Variants in ABI3BP observed in about 807,000 individuals in gnomAD.
ABI3BP encodes the protein target of Nesh-SH3.
In ABI3BP, 216 loss-of-function variants were observed where a neutral mutation model predicts 268.6. The ratio of observed to expected loss-of-function variants is 0.80; its 90% confidence interval spans 0.72 to 0.90. The LOEUF (loss-of-function observed/expected upper bound fraction) is 0.90, where lower values mean the gene tolerates loss of function less well. Among genes scored for constraint, ABI3BP ranks in the 40% least tolerant of loss-of-function variants. The probability of loss-of-function intolerance (pLI) is 0.00; values close to 1 mark genes in which losing one functional copy is unlikely to be tolerated. For synonymous variants in ABI3BP, 730 were observed against 730.0 expected, an observed-to-expected ratio of 1.00 and a Z score of 0.00; for missense variants, 2,090 against 2,182.4, an observed-to-expected ratio of 0.96 and a Z score of 0.84.
rs531282863 is a variant in ABI3BP, at chr3:100,754,909, T to C, written c.4851-218A>G. 3.3e-5 allele frequency among the ~76,000 whole-genome samples: 5 copies of C among 152,272 alleles called. No homozygotes were observed. The South Asian group carries it at 1.0e-3, about 32-fold the overall frequency. On this transcript the variant is annotated intron_variant, in intron 63 of 67. Transcript: ENST00000471714. ...AATGTTTGAGTAAGCATTAAGTTAA[T>C]AAAAAAGATGGTTGTCTTTAAAAAT... is the stretch of plus-strand genomic sequence containing the variant.
At chr3:100,846,301 C>A in intron 20 of ABI3BP, 71 bp downstream of exon 20, 1 of 1,029,452 alleles carries the variant, frequency 9.7e-7, no homozygotes, top group Non-Finnish European at 1.4e-6. Flanking sequence ...GAAATTCTTG[C>A]TCCAAATAAT....
rs1419860992 is a variant in ABI3BP at position 100,792,661 on chromosome 3, T to G, written c.4024+30A>C. On this transcript the variant is annotated intron_variant, in intron 55 of 67. Transcript: ENST00000471714. ...CTGATTAAAAGCAAATAAGGAAAAGTTATTCTCCAGAGGTAGGGGAGAGGA... is the reference window on the plus strand; with the variant it reads ...CTGATTAAAAGCAAATAAGGAAAAGGTATTCTCCAGAGGTAGGGGAGAGGA... 3 of 1,596,196 alleles carry G rather than the reference T, an allele frequency of 1.9e-6. No individual in the cohort carries two copies. The Admixed American group carries it at 5.0e-5, about 27-fold the overall frequency.
intron 61 of ABI3BP, among the ~76,000 whole-genome samples, chr3:100,774,024 T>C (rs1433719186): frequency 1.3e-5 from 2 of 152,180 alleles, no homozygotes; most frequent in East Asian, 1.9e-4. Context: ...ATTGTGATGA[T>C]GGTCTCATGG....
intron 1 of ABI3BP, among the ~76,000 whole-genome samples, chr3:100,992,856 C>T (rs889000793): frequency 2.0e-5 from 3 of 152,202 alleles, no homozygotes; most frequent in Non-Finnish European, 4.4e-5. Flanking sequence ...CCTCAGCTTC[C>T]TGGTCAACAG....
intron 20 of ABI3BP, among the ~76,000 whole-genome samples, chr3:100,843,045 G>A (rs981079751): frequency 3.9e-5 from 6 of 152,054 alleles, no homozygotes; most frequent in African/African-American, 7.2e-5. Context: ...TTGAGAATAC[G>A]TAGCGACTAA....
chr3:100,813,733 G>C lies in ABI3BP; in HGVS notation c.3292C>G (p.Leu1098Val). Residue 1098 changes from leucine (L) to valine (V), a missense_variant and splice_region_variant, in exon 45 of 68, where the codon CTG (leucine) becomes GTG (valine). Physicochemically the swap from Leu to Val is conservative, Grantham distance 32. Coordinates refer to ENST00000471714, the MANE Select transcript of ABI3BP (RefSeq NM_001375547.2). ...STDAPGTTFALTELQTLILKP... is the reference protein window; with the variant it reads ...STDAPGTTFAVTELQTLILKP... ...AAAATAAGAGTTTGCAGTTCAGTCA[G>C]AGCTGAAAGAAGAGGGTCTCAATTG... 1 of 1,534,988 alleles carries C rather than the reference G, an allele frequency of 6.5e-7. No homozygotes were observed. Among genetic ancestry groups the C allele is most frequent in the Non-Finnish European group, 8.7e-7 (1 of 1,146,090 alleles).
intron 51 of ABI3BP, among the ~76,000 whole-genome samples, chr3:100,796,709 C>T (rs1205515162): frequency 6.6e-6 from 1 of 152,014 alleles, no homozygotes; most frequent in Middle Eastern, 3.2e-3. Context: ...TGAAGTCTTC[C>T]TTGAGGAAGA....
At chr3:100,844,469 G>A in intron 20 of ABI3BP, 1 of 985,230 alleles carries the variant, frequency 1.0e-6, no homozygotes, top group South Asian at 4.7e-5. Context: ...AAAGCCAAAG[G>A]AAAAGGAGCC....
chr3:100,860,086 A>G (rs2098981848), intron 14 of ABI3BP, among the ~76,000 whole-genome samples: 1 of 152,164 alleles, frequency 6.6e-6, no homozygotes, highest in Non-Finnish European at 1.5e-5. Context: ...AAACAAAAAC[A>G]AAAACAAAAA....
intron 1 of ABI3BP, among the ~76,000 whole-genome samples, chr3:100,958,345 C>G (rs180893897): frequency 2.2e-4 from 33 of 152,282 alleles, no homozygotes; most frequent in African/African-American, 7.0e-4. Context: ...ACAAGTATTT[C>G]CTTTGCTGCC....
At chr3:100,993,250 T>TA in intron 1 of ABI3BP, 56 bp downstream of exon 1, 2 of 1,250,404 alleles carry the variant, frequency 1.6e-6, no homozygotes, top group Non-Finnish European at 1.1e-6. Flanking sequence ...AATCAACATT[T>TA]AAAAACATCT....
chr3:100,925,325 A>G (rs2061489953), intron 2 of ABI3BP, among the ~76,000 whole-genome samples: 1 of 152,184 alleles, frequency 6.6e-6, no homozygotes, highest in African/African-American at 2.4e-5. Flanking sequence ...CAATAATCCT[A>G]GCAGTGGAAC....
intron 57 of ABI3BP, among the ~76,000 whole-genome samples, chr3:100,785,703 T>C (rs1391054781): frequency 2.0e-5 from 3 of 152,206 alleles, no homozygotes; most frequent in Admixed American, 2.0e-4. Flanking sequence ...CAGTGTTAGT[T>C]GCAGCTTTTT....
chr3:100,986,851 A>G (rs2091904868), intron 1 of ABI3BP, among the ~76,000 whole-genome samples: 1 of 152,186 alleles, frequency 6.6e-6, no homozygotes, highest in African/African-American at 2.4e-5. Flanking sequence ...CCTGATACAC[A>G]GTAATATGGT....
intron 59 of ABI3BP, among the ~76,000 whole-genome samples, chr3:100,775,730 A>C (rs2096681578): frequency 6.6e-6 from 1 of 152,186 alleles, no homozygotes; most frequent in African/African-American, 2.4e-5. Flanking sequence ...AACAAGAAAC[A>C]TGTCAGGGAA....
chr3:100,849,583 T>C (rs960585546), intron 17 of ABI3BP, among the ~76,000 whole-genome samples: 1 of 152,158 alleles, frequency 6.6e-6, no homozygotes, highest in African/African-American at 2.4e-5. Flanking sequence ...ACTTCGCTAT[T>C]TCAATAATTT....
chr3:100,941,254 G>A (rs1325625555), intron 1 of ABI3BP, among the ~76,000 whole-genome samples: 1 of 151,902 alleles, frequency 6.6e-6, no homozygotes, highest in Non-Finnish European at 1.5e-5. Flanking sequence ...TTGTAAGTCT[G>A]CCAGCTGGAA....
chr3:100,956,214 AAC>A (rs58723365), intron 1 of ABI3BP, among the ~76,000 whole-genome samples: 10,198 of 133,578 alleles, frequency 0.076, 401 homozygotes, highest in African/African-American at 0.089. Context: ...AAAGAAAAAC[AAC>A]ACACACACAC....
At chr3:100,953,239 C>A (rs986715816) in intron 1 of ABI3BP, among the ~76,000 whole-genome samples, 1 of 152,144 alleles carries the variant, frequency 6.6e-6, no homozygotes, top group Non-Finnish European at 1.5e-5. Context: ...TCCAATCCAC[C>A]CTTCCCACTA....
Sources: allele counts gnomAD v4.1 joint callset (sites outside exome capture counted in the v4.1 genomes callset), GRCh38; gene constraint gnomAD v4.1.1; transcripts MANE v1.5; gene names NCBI Gene and HGNC (gene_info 2026-07-23, HGNC 2026-07-21).